KAT2B: variants seen among roughly 807,000 people sequenced by gnomAD.
KAT2B encodes histone acetyltransferase KAT2B.
A neutral mutation model predicts 105.9 loss-of-function variants in KAT2B; 36 were observed. The ratio of observed to expected loss-of-function variants is 0.34; its 90% CI spans 0.26 to 0.45. The LOEUF (loss-of-function observed/expected upper bound fraction) is 0.45. KAT2B is among the 20% of genes least tolerant of loss of function. The pLI is 1.00. For missense variants in KAT2B, 820 were observed against 1,021.6 expected (o/e 0.80, Z 2.69); for synonymous variants, 397 against 377.9 (o/e 1.05, Z -0.59).
chr3:20,119,078 C>A (rs1206574008), intron 7 of KAT2B, among the ~76,000 whole-genome samples: 1 of 151,926 alleles, frequency 6.6e-6, no homozygotes, highest in African/African-American at 2.4e-5. Flanking sequence ...TAAGTTTGAT[C>A]ACATGGTTCT....
chr3:20,121,811 A>G (rs530276643), intron 8 of KAT2B, among the ~76,000 whole-genome samples: 7 of 148,330 alleles, frequency 4.7e-5, no homozygotes, highest in Admixed American at 1.4e-4. Flanking sequence ...AGAGATTCCA[A>G]TCAGTGGGTA....
intron 1 of KAT2B, among the ~76,000 whole-genome samples, chr3:20,062,564 C>T (rs1053336387): frequency 2.0e-5 from 3 of 149,604 alleles, no homozygotes; most frequent in East Asian, 2.0e-4. Flanking sequence ...TGGGTTCAAG[C>T]GATTCTCTTG....
chr3:20,085,792 T>G (rs2125190055), intron 2 of KAT2B, among the ~76,000 whole-genome samples: 1 of 151,936 alleles, frequency 6.6e-6, no homozygotes, highest in South Asian at 2.1e-4. Flanking sequence ...ATTACAGGCA[T>G]GAGCCACTGC....
chr3:20,040,716 C>T lies in KAT2B; in HGVS notation c.239C>T (p.Ala80Val), dbSNP rs755636037. 3 of 1,593,228 alleles carry T rather than the reference C, an allele frequency of 1.9e-6. No individual in the cohort carries two copies. Among genetic ancestry groups the T allele is most frequent in the Non-Finnish European group, 8.5e-7 (1 of 1,173,062 alleles). ...GGSARIAVKK[A>V]QLRSAPRAKK... is the part of the protein sequence containing the mutation. ...TCGGCCCGAATCGCCGTGAAGAAAG[C>T]GCAACTACGCTCCGCTCCGCGGGCC... The change falls in exon 1 of 18, where the codon GCG (alanine) becomes GTG (valine). Residue 80 changes from alanine (A) to valine (V), a missense_variant. Transcript: ENST00000263754.
intron 3 of KAT2B, among the ~76,000 whole-genome samples, chr3:20,099,180 TA>T (rs1326452777): frequency 1.8e-4 from 28 of 152,302 alleles, no homozygotes; most frequent in African/African-American, 6.7e-4. Flanking sequence ...TGGCAGGAAT[TA>T]AGAGCAGTGT....
chr3:20,079,300 G>A (rs565934357), intron 2 of KAT2B, among the ~76,000 whole-genome samples: 20 of 148,810 alleles, frequency 1.3e-4, no homozygotes, highest in African/African-American at 5.0e-4. Context: ...TGCCTCCCAG[G>A]TTCAAGCTAT....
At chr3:20,067,003 C>T (rs1698234066) in intron 1 of KAT2B, among the ~76,000 whole-genome samples, 1 of 152,182 alleles carries the variant, frequency 6.6e-6, no homozygotes. Flanking sequence ...TCTTGGACAG[C>T]ACAGTTGGAG....
chr3:20,089,865 G>C (rs1274539306), intron 2 of KAT2B, among the ~76,000 whole-genome samples: 1 of 152,040 alleles, frequency 6.6e-6, no homozygotes, highest in Non-Finnish European at 1.5e-5. Context: ...ACAGAAACAT[G>C]GCTGGGCATG....
intron 7 of KAT2B, among the ~76,000 whole-genome samples, chr3:20,118,271 T>C (rs1201911814): frequency 2.1e-5 from 3 of 146,076 alleles, no homozygotes; most frequent in Non-Finnish European, 4.5e-5. Context: ...GTAAATATAT[T>C]ATTTATATAT....
intron 2 of KAT2B, among the ~76,000 whole-genome samples, chr3:20,072,753 A>C (rs924367669): frequency 2.0e-5 from 3 of 152,220 alleles, no homozygotes; most frequent in Non-Finnish European, 4.4e-5. Context: ...AATAATGTGT[A>C]ACATGTCCTG....
intron 6 of KAT2B, 78 bp downstream of exon 6, chr3:20,111,865 A>C: frequency 2.6e-6 from 3 of 1,132,698 alleles, no homozygotes; most frequent in Non-Finnish European, 3.8e-6. Flanking sequence ...GCCTGCATAA[A>C]TAACAAGATC....
intron 8 of KAT2B, among the ~76,000 whole-genome samples, chr3:20,120,195 C>T (rs993361533): frequency 2.0e-5 from 3 of 151,716 alleles, no homozygotes; most frequent in Non-Finnish European, 2.9e-5. Flanking sequence ...ACTTGTAAAC[C>T]ATCACTTCTG....
chr3:20,092,128 A>G (rs970132855), intron 2 of KAT2B, among the ~76,000 whole-genome samples: 2 of 152,012 alleles, frequency 1.3e-5, no homozygotes, highest in African/African-American at 2.4e-5. Flanking sequence ...TTTGTCATTG[A>G]TTTTCTGTGT....
At chr3:20,098,640 T>C (rs1698854628) in intron 3 of KAT2B, among the ~76,000 whole-genome samples, 1 of 152,160 alleles carries the variant, frequency 6.6e-6, no homozygotes. Context: ...TGGGCCAAGT[T>C]CCTAAATGGT....
At chr3:20,119,785 GGA>G (rs1699275827) in intron 8 of KAT2B, 62 bp downstream of exon 8, 1 of 1,578,278 alleles carries the variant, frequency 6.3e-7, no homozygotes, top group Non-Finnish European at 8.7e-7. Context: ...CATTACCTGA[GGA>G]GTGCAAAAGG....
intron 2 of KAT2B, among the ~76,000 whole-genome samples, chr3:20,094,207 C>T (rs1698769769): frequency 6.6e-6 from 1 of 152,116 alleles, no homozygotes; most frequent in African/African-American, 2.4e-5. Context: ...ATCTTACAAT[C>T]ATGGTGGAAG....
intron 2 of KAT2B, among the ~76,000 whole-genome samples, chr3:20,074,991 C>T (rs1187014723): frequency 6.6e-6 from 1 of 152,128 alleles, no homozygotes; most frequent in Non-Finnish European, 1.5e-5. Flanking sequence ...TAAGGCCGGG[C>T]GTGGTGGCTC....
At chr3:20,069,368 T>C (rs1428908572) in intron 1 of KAT2B, among the ~76,000 whole-genome samples, 1 of 152,168 alleles carries the variant, frequency 6.6e-6, no homozygotes, top group Non-Finnish European at 1.5e-5. Context: ...TAGATTCCCC[T>C]GGTACCCTAT....
chr3:20,101,554 G>A (rs998048258), intron 5 of KAT2B, 86 bp downstream of exon 5: 2 of 1,016,438 alleles, frequency 2.0e-6, no homozygotes, highest in Non-Finnish European at 3.0e-6. Context: ...GTATAGGGCT[G>A]CCTAGTTATC....
Sources: gnomAD v4.1 joint callset for allele counts (sites outside exome capture counted in the v4.1 genomes callset) on GRCh38, gnomAD v4.1.1 for gene constraint, MANE v1.5 for transcripts, NCBI Gene and HGNC (gene_info 2026-07-23, HGNC 2026-07-21) for gene names.